The following FNIP2 variants were observed in gnomAD, a reference collection of about 807,000 sequenced individuals.
FNIP2 encodes the protein folliculin-interacting protein 2.
In FNIP2, 32 loss-of-function variants were observed where a neutral mutation model predicts 108.7. The ratio of observed to expected loss-of-function variants is 0.29; its 90% CI spans 0.22 to 0.40. The LOEUF (loss-of-function observed/expected upper bound fraction) is 0.40, where lower values mean the gene tolerates loss of function less well. Among genes scored for constraint, FNIP2 ranks in the 10% least tolerant of loss-of-function variants. FNIP2 has a pLI of 1.00. For synonymous variants in FNIP2, 480 were observed against 496.7 expected (o/e 0.97, Z 0.45); for missense variants, 1,202 against 1,381.6 (o/e 0.87, Z 2.06).
chr4:158,806,019 C>T (rs997538140), intron 1 of FNIP2: 6 of 631,244 alleles, frequency 9.5e-6, no homozygotes, highest in Middle Eastern at 7.4e-4. Flanking sequence ...GCTTAATTTA[C>T]GTAACAAATG....
rs989602773 is a variant in FNIP2 at position 158,905,878 on chromosome 4, G to A, written c.*1334G>A. The A allele has an allele frequency of 1.3e-5, 2 of 152,198 alleles. No individual in the cohort carries two copies. The highest frequency in any genetic ancestry group is 2.9e-5 in the Non-Finnish European group (2 of 68,034). The allele number at this position is 152,198 out of a possible 1,614,324, so 9.4% of individuals were successfully genotyped here. A position where few individuals can be genotyped will look rare whatever the true frequency, so the allele number is the denominator to read the frequency against. ...TTTAGCACTTTGCAGATCTCAAGCA[G>A]TTAACCAGGCTCTGATTCCCTTCCA... On this transcript the variant is annotated 3_prime_UTR_variant, in exon 17 of 17. Coordinates refer to ENST00000264433, the MANE Select transcript of FNIP2 (RefSeq NM_020840.3).
intron 7 of FNIP2, among the ~76,000 whole-genome samples, chr4:158,837,181 C>T (rs1452463495): frequency 1.3e-5 from 2 of 152,160 alleles, no homozygotes; most frequent in African/African-American, 2.4e-5. Context: ...TACCAGAAGT[C>T]GCAGAGTGGG....
chr4:158,859,762 G>A, intron 10 of FNIP2, 96 bp downstream of exon 10: 1 of 1,032,286 alleles, frequency 9.7e-7, no homozygotes, highest in Non-Finnish European at 1.5e-6. Context: ...GGGCCTGGCA[G>A]TTATTCCTCA....
chr4:158,834,583 T>C (rs1778693897), intron 6 of FNIP2: 1 of 152,156 alleles, frequency 6.6e-6, no homozygotes, highest in South Asian at 2.1e-4. Context: ...GGAAAATGCA[T>C]TTAAATACTC....
intron 14 of FNIP2, among the ~76,000 whole-genome samples, chr4:158,878,918 C>T (rs549677108): frequency 7.4e-6 from 1 of 135,262 alleles, no homozygotes; most frequent in Non-Finnish European, 1.6e-5. Flanking sequence ...ATTAAAACTC[C>T]AGGTATAGGT....
intron 16 of FNIP2, among the ~76,000 whole-genome samples, chr4:158,898,776 G>A (rs1234711622): frequency 6.6e-6 from 1 of 152,202 alleles, no homozygotes; most frequent in African/African-American, 2.4e-5. Flanking sequence ...CATGTCATCT[G>A]CAAACAGAGA....
Position 158,769,300 on chromosome 4 carries a change from A to G in FNIP2, c.88A>G (p.Lys30Glu). The G allele has an allele frequency of 6.6e-7, 1 of 1,519,558 alleles. No individual in the cohort carries two copies. Among genetic ancestry groups the G allele is most frequent in the Non-Finnish European group, 8.8e-7 (1 of 1,134,508 alleles). The allele number at this position is 1,519,558 out of a possible 1,614,324, so 94.1% of individuals were successfully genotyped here. A position where few individuals can be genotyped will look rare whatever the true frequency, so the allele number is the denominator to read the frequency against. Residue 30 changes from lysine (K) to glutamate (E), a missense_variant, in exon 1 of 17, where the codon AAG becomes GAG. Transcript: ENST00000264433. The part of the protein sequence containing the change: ...AAASAQGRAP[K>E]EGPAFSWSCS... ...GGCGTCTGCCCAGGGCAGGGCTCCTAAGGAAGGACCCGCCTTTAGGTGAGG... is the reference window on the plus strand; with the variant it reads ...GGCGTCTGCCCAGGGCAGGGCTCCTGAGGAAGGACCCGCCTTTAGGTGAGG...
chr4:158,811,435 C>A (rs1777263261), intron 1 of FNIP2, among the ~76,000 whole-genome samples: 1 of 152,134 alleles, frequency 6.6e-6, no homozygotes, highest in Non-Finnish European at 1.5e-5. Context: ...ATGGAAGGGA[C>A]TTTGACTTGG....
intron 1 of FNIP2, among the ~76,000 whole-genome samples, chr4:158,779,165 A>C (rs1775953569): frequency 6.6e-6 from 1 of 152,200 alleles, no homozygotes; most frequent in African/African-American, 2.4e-5. Flanking sequence ...CCAGACTTAA[A>C]AATGCTCATA....
intron 12 of FNIP2, among the ~76,000 whole-genome samples, chr4:158,867,603 A>G (rs946837065): frequency 1.3e-5 from 2 of 152,238 alleles, no homozygotes; most frequent in African/African-American, 4.8e-5. Context: ...GCGTATTAAG[A>G]TAATTCTGTG....
intron 16 of FNIP2, 105 bp from the exon 17 acceptor site, chr4:158,904,361 C>A: frequency 2.0e-6 from 2 of 996,034 alleles, no homozygotes; most frequent in Non-Finnish European, 3.0e-6. Context: ...GATAATCTAT[C>A]AAACTTAGTA....
chr4:158,895,844 A>G lies in FNIP2; in HGVS notation c.3245A>G (p.Lys1082Arg). ...YLRGHTRVHVKELGVVLGIES... is the reference protein window; with the variant it reads ...YLRGHTRVHVRELGVVLGIES... ...CGGGGACACACACGAGTCCATGTGAAAGAATTAGGTGTCGTACTGGGGTGA... is the reference window on the plus strand; with the variant it reads ...CGGGGACACACACGAGTCCATGTGAGAGAATTAGGTGTCGTACTGGGGTGA... The change falls in exon 16 of 17, where the codon AAA (lysine) becomes AGA (arginine). Residue 1082 changes from lysine to arginine, a missense_variant. By Grantham distance (26) the Lys-to-Arg change is conservative. This residue lies in a region of FNIP2 where 142 missense variants were observed against 183.8 expected (regional missense o/e 0.77). Coordinates refer to ENST00000264433, the MANE Select transcript of FNIP2 (RefSeq NM_020840.3). The G allele has an allele frequency of 6.2e-7, 1 of 1,612,958 alleles. No homozygotes were observed. The highest frequency in any genetic ancestry group is 8.5e-7 in the Non-Finnish European group (1 of 1,179,334).
At position 158,870,464 on chromosome 4, in the gene FNIP2, G is replaced by A. The variant is rs1185315811; in HGVS notation, c.2944G>A (p.Val982Ile). The change falls in exon 14 of 17, where the codon GTC becomes ATC. Residue 982 changes from valine (V) to isoleucine (I), a missense_variant. Coordinates refer to ENST00000264433, the MANE Select transcript of FNIP2 (RefSeq NM_020840.3). The stretch of plus-strand genomic sequence containing the variant: ...CCTGGTGGCCGACCTTGTCCACACA[G>A]TCCATGTAAGTGATCCCAGTGTGGA... ...QCLVADLVHT[V>I]HHPVLDEPIA... 6.2e-7 allele frequency: 1 copy of A among 1,608,182 alleles called. No homozygotes were observed. Among genetic ancestry groups the A allele is most frequent in the Non-Finnish European group, 8.5e-7 (1 of 1,176,822 alleles).
Position 158,906,306 on chromosome 4 carries a change from C to A in FNIP2, c.*1762C>A, listed in dbSNP as rs537720680. 2 of 152,298 alleles carry A rather than the reference C, an allele frequency of 1.3e-5. No individual in the cohort carries two copies. Among genetic ancestry groups the A allele is most frequent in the East Asian group, 3.9e-4 (2 of 5,182 alleles). The allele number at this position is 152,298 out of a possible 1,614,324, so 9.4% of individuals were successfully genotyped here. A position where few individuals can be genotyped will look rare whatever the true frequency, so the allele number is the denominator to read the frequency against. On this transcript the variant is annotated 3_prime_UTR_variant, in exon 17 of 17. Coordinates refer to ENST00000264433, the MANE Select transcript of FNIP2 (RefSeq NM_020840.3). Reference sequence around the variant, plus strand: ...AAATAAACTGTCAGAGCTGATGTTACAGCTTTTACAGTTTAAAGCATTCCC... The same window carrying A: ...AAATAAACTGTCAGAGCTGATGTTAAAGCTTTTACAGTTTAAAGCATTCCC...
intron 1 of FNIP2, among the ~76,000 whole-genome samples, chr4:158,813,326 C>T (rs952296941): frequency 6.6e-6 from 1 of 152,222 alleles, no homozygotes; most frequent in Non-Finnish European, 1.5e-5. Flanking sequence ...TTCTGTTGCT[C>T]CACATCCCCA....
At chr4:158,880,128 A>G (rs1781501756) in intron 14 of FNIP2, among the ~76,000 whole-genome samples, 1 of 150,124 alleles carries the variant, frequency 6.7e-6, no homozygotes, top group Admixed American at 6.6e-5. Flanking sequence ...ATGCTGCTAT[A>G]AAGACACATG....
chr4:158,843,311 G>T (rs963779244), intron 7 of FNIP2, among the ~76,000 whole-genome samples: 1 of 152,168 alleles, frequency 6.6e-6, no homozygotes, highest in Non-Finnish European at 1.5e-5. Context: ...TTTGAATTCT[G>T]TCCAGAAATG....
chr4:158,786,379 G>A (rs1298937073), intron 1 of FNIP2, among the ~76,000 whole-genome samples: 1 of 152,140 alleles, frequency 6.6e-6, no homozygotes, highest in East Asian at 1.9e-4. Flanking sequence ...TACTAATGCA[G>A]TTCATATAGT....
At chr4:158,904,395 A>AAAAG in intron 16 of FNIP2, 71 bp from the exon 17 acceptor site, 1 of 1,373,174 alleles carries the variant, frequency 7.3e-7, no homozygotes, top group Non-Finnish European at 1.0e-6. Context: ...CTTTCTCATA[A>AAAAG]AAAGAAATAA....
Sources: allele counts gnomAD v4.1 joint callset (sites outside exome capture counted in the v4.1 genomes callset), GRCh38; gene constraint gnomAD v4.1.1; regional missense constraint gnomAD v4.1.1; transcripts MANE v1.5; gene names NCBI Gene and HGNC (gene_info 2026-07-23, HGNC 2026-07-21).